The following CSMD1 variants were observed in gnomAD, a reference collection of about 807,000 sequenced individuals.
CSMD1 encodes the protein CUB and Sushi multiple domains 1.
In CSMD1, 213 loss-of-function variants were observed where a neutral mutation model predicts 417.5. The observed-to-expected ratio is 0.51, with a 90% CI of 0.46 to 0.57. CSMD1 has a LOEUF of 0.57. Among genes scored for constraint, CSMD1 ranks in the 20% least tolerant of loss-of-function variants. The pLI is 0.00. For missense variants in CSMD1, 6,923 were observed against 4,529.7 expected, an observed-to-expected ratio of 1.53 and a Z score of -15.17; for synonymous variants, 2,862 against 1,736.8, an observed-to-expected ratio of 1.65 and a Z score of -16.11.
At chr8:3,969,241 C>T (rs1175081703) in intron 5 of CSMD1, among the ~76,000 whole-genome samples, 1 of 152,120 alleles carries the variant, frequency 6.6e-6, no homozygotes, top group African/African-American at 2.4e-5. Flanking sequence ...CAGAGTGAGA[C>T]TCTGTCTCGA....
At chr8:3,497,682 C>T (rs1270783418) in intron 10 of CSMD1, among the ~76,000 whole-genome samples, 3 of 152,106 alleles carry the variant, frequency 2.0e-5, no homozygotes, top group Non-Finnish European at 2.9e-5. Flanking sequence ...TTAGTCTATG[C>T]CTTTACAGGT....
chr8:3,407,633 G>A (rs1443589336), intron 14 of CSMD1, among the ~76,000 whole-genome samples: 3 of 152,070 alleles, frequency 2.0e-5, no homozygotes, highest in South Asian at 2.1e-4. Context: ...ATGGAAAACC[G>A]GAGAGAAAGA....
chr8:4,005,552 T>C (rs1421427511), intron 4 of CSMD1, among the ~76,000 whole-genome samples: 1 of 152,240 alleles, frequency 6.6e-6, no homozygotes, highest in Non-Finnish European at 1.5e-5. Context: ...CTTTATTTTC[T>C]GAATTGTCTT....
chr8:3,405,271 C>G (rs13267155), intron 15 of CSMD1, among the ~76,000 whole-genome samples: 15 of 152,098 alleles, frequency 9.9e-5, no homozygotes, highest in African/African-American at 1.4e-4. Context: ...TTATTGCGCA[C>G]TGACTATTCT....
intron 1 of CSMD1, among the ~76,000 whole-genome samples, chr8:4,782,906 G>C (rs772644955): frequency 4.0e-5 from 6 of 150,322 alleles, no homozygotes; most frequent in Non-Finnish European, 7.4e-5. Context: ...AGGCAGAAAA[G>C]TGCCATATTT....
intron 7 of CSMD1, among the ~76,000 whole-genome samples, chr8:3,653,723 T>C (rs1384197): frequency 0.88 from 134,268 of 152,260 alleles, 59,418 homozygotes; most frequent in Non-Finnish European, 0.92. Context: ...ATGAGGACTC[T>C]AGTGAAGGAC....
chr8:3,374,255 G>A (rs1016510355), intron 18 of CSMD1, among the ~76,000 whole-genome samples: 3 of 151,954 alleles, frequency 2.0e-5, no homozygotes, highest in Non-Finnish European at 2.9e-5. Context: ...CACCATGTCC[G>A]ACCCATCCAC....
chr8:4,262,095 A>G (rs928336564), intron 3 of CSMD1, among the ~76,000 whole-genome samples: 5 of 152,108 alleles, frequency 3.3e-5, no homozygotes, highest in Non-Finnish European at 7.4e-5. Context: ...GTTAGTCACT[A>G]TTACTGTTAC....
chr8:3,822,335 G>C (rs1296918710), intron 5 of CSMD1, among the ~76,000 whole-genome samples: 1 of 152,048 alleles, frequency 6.6e-6, no homozygotes, highest in Non-Finnish European at 1.5e-5. Context: ...CTGAAATCTT[G>C]ACATCAAGTA....
chr8:3,898,663 G>A (rs777195377), intron 5 of CSMD1, among the ~76,000 whole-genome samples: 3 of 152,138 alleles, frequency 2.0e-5, no homozygotes, highest in Non-Finnish European at 2.9e-5. Context: ...TGCAGACCTG[G>A]TATTTGTTGG....
At chr8:3,045,354 C>T (rs1811365958) in intron 50 of CSMD1, among the ~76,000 whole-genome samples, 1 of 152,042 alleles carries the variant, frequency 6.6e-6, no homozygotes, top group African/African-American at 2.4e-5. Flanking sequence ...ATTGTAACTT[C>T]TTTAAAGCAA....
intron 5 of CSMD1, among the ~76,000 whole-genome samples, chr8:3,882,759 G>A (rs1227500820): frequency 6.6e-6 from 1 of 152,184 alleles, no homozygotes; most frequent in Non-Finnish European, 1.5e-5. Context: ...AACTTTGTGT[G>A]AAAGAATCCA....
chr8:4,249,724 A>T (rs1802937665), intron 3 of CSMD1, among the ~76,000 whole-genome samples: 1 of 152,182 alleles, frequency 6.6e-6, no homozygotes, highest in Non-Finnish European at 1.5e-5. Flanking sequence ...GCCTCAGCAG[A>T]AGTAGCTCAG....
chr8:3,281,142 A>G (rs1257774605), intron 26 of CSMD1, among the ~76,000 whole-genome samples: 2 of 152,156 alleles, frequency 1.3e-5, no homozygotes, highest in East Asian at 3.9e-4. Context: ...ATGTCCTTCA[A>G]TAAGAAAATG....
intron 2 of CSMD1, among the ~76,000 whole-genome samples, chr8:4,620,691 A>T (rs551852378): frequency 4.6e-5 from 7 of 152,068 alleles, no homozygotes; most frequent in African/African-American, 1.2e-4. Flanking sequence ...AAGAGAAGTT[A>T]GAAAATATTT....
At chr8:3,657,642 C>A (rs1490409522) in intron 7 of CSMD1, among the ~76,000 whole-genome samples, 1 of 152,008 alleles carries the variant, frequency 6.6e-6, no homozygotes, top group Non-Finnish European at 1.5e-5. Context: ...GGGTGTTGAA[C>A]AATGAGAACA....
intron 27 of CSMD1, among the ~76,000 whole-genome samples, chr8:3,229,445 G>C (rs1425286747): frequency 6.6e-6 from 1 of 152,028 alleles, no homozygotes; most frequent in East Asian, 1.9e-4. Flanking sequence ...AAACATATTT[G>C]TGATAAATTG....
At chr8:4,763,311 C>T (rs1812238004) in intron 1 of CSMD1, among the ~76,000 whole-genome samples, 1 of 152,188 alleles carries the variant, frequency 6.6e-6, no homozygotes, top group Non-Finnish European at 1.5e-5. Flanking sequence ...CTCTTTCCCT[C>T]CTGAATGATC....
intron 7 of CSMD1, among the ~76,000 whole-genome samples, chr8:3,684,850 T>C (rs994285304): frequency 4.6e-5 from 7 of 152,298 alleles, no homozygotes; most frequent in South Asian, 2.1e-4. Context: ...ACGACTCTTA[T>C]TACATTCAGA....
Sources: allele counts gnomAD v4.1 joint callset (sites outside exome capture counted in the v4.1 genomes callset), GRCh38; gene constraint gnomAD v4.1.1; transcripts MANE v1.5; gene names NCBI Gene and HGNC (gene_info 2026-07-23, HGNC 2026-07-21).